Variants in IPP observed in about 807,000 individuals in gnomAD.
The protein encoded by IPP is intracisternal A particle-promoted polypeptide, also known as actin-binding protein IPP.
In IPP, 41 loss-of-function variants were observed where a neutral mutation model predicts 64.1. The observed-to-expected ratio is 0.64, with a 90% CI of 0.50 to 0.83. The LOEUF is 0.83. IPP is among the 40% of genes least tolerant of loss of function. IPP has a pLI of 0.00. For missense variants in IPP, 649 were observed against 703.0 expected, an observed-to-expected ratio of 0.92 and a Z score of 0.87; for synonymous variants, 214 against 235.2, an observed-to-expected ratio of 0.91 and a Z score of 0.83.
chr1:45,699,660 G>T lies in IPP; in HGVS notation c.*306C>A. ...TCATATTTTTAGAAAAATCATTCTT[G>T]AGTTTATTTTTTTTCTTTAAGAGAC... On this transcript the variant is annotated 3_prime_UTR_variant, in exon 9 of 9. Transcript: ENST00000396478. 1 of 1,080,394 alleles carries T rather than the reference G, an allele frequency of 9.3e-7. No individual in the cohort carries two copies. Among genetic ancestry groups the T allele is most frequent in the Non-Finnish European group, 1.1e-6 (1 of 884,046 alleles). The allele number at this position is 1,080,394 out of a possible 1,614,324, so 66.9% of individuals were successfully genotyped here. A position where few individuals can be genotyped will look rare whatever the true frequency, so the allele number is the denominator to read the frequency against.
At chr1:45,716,480 G>C (rs1436411903) in intron 7 of IPP, among the ~76,000 whole-genome samples, 2 of 152,144 alleles carry the variant, frequency 1.3e-5, no homozygotes, top group East Asian at 3.9e-4. Context: ...CCTAACCTCA[G>C]GTGATCCTCC....
At chr1:45,742,404 C>G (rs1016188070) in intron 2 of IPP, among the ~76,000 whole-genome samples, 5 of 152,150 alleles carry the variant, frequency 3.3e-5, no homozygotes, top group African/African-American at 1.2e-4. Flanking sequence ...ACAACAGCAA[C>G]AACAACAAAT....
At chr1:45,744,567 G>T (rs376734335) in intron 2 of IPP, among the ~76,000 whole-genome samples, 1 of 152,046 alleles carries the variant, frequency 6.6e-6, no homozygotes, top group South Asian at 2.1e-4. Flanking sequence ...TTGGCTAGGC[G>T]TAGTGGCTCA....
At chr1:45,740,490 C>T (rs1186268989) in intron 3 of IPP, among the ~76,000 whole-genome samples, 3 of 151,890 alleles carry the variant, frequency 2.0e-5, no homozygotes, top group Non-Finnish European at 2.9e-5. Context: ...GGCGGCTGGC[C>T]GGGCGGGGGG....
Position 45,741,324 on chromosome 1 carries a change from T to C in IPP, c.301A>G (p.Asn101Asp), listed in dbSNP as rs1646062734. The change falls in exon 3 of 9, where the codon AAC (asparagine) becomes GAC (aspartate). Residue 101 changes from asparagine (N) to aspartate (D), a missense_variant. Physicochemically the swap from Asn to Asp is conservative, Grantham distance 23. Transcript: ENST00000396478. ...TCCTGGACATTATTCACACCTATGT[T>C]CACTATACCTAGAGAAGTAGGAAGA... Reference protein sequence around the residue: ...LLDFIYTGIVNIGVNNVQELI... With the variant: ...LLDFIYTGIVDIGVNNVQELI... 6.3e-7 allele frequency: 1 copy of C among 1,597,978 alleles called. No homozygotes were observed. Among genetic ancestry groups the C allele is most frequent in the Admixed American group, 1.7e-5 (1 of 57,722 alleles).
intron 1 of IPP, among the ~76,000 whole-genome samples, chr1:45,747,077 C>A (rs1193835765): frequency 6.6e-6 from 1 of 152,034 alleles, no homozygotes; most frequent in Non-Finnish European, 1.5e-5. Flanking sequence ...TTATCAAATA[C>A]CCTACCACCC....
chr1:45,723,821 A>T (rs922115835), intron 5 of IPP, among the ~76,000 whole-genome samples: 2 of 152,046 alleles, frequency 1.3e-5, no homozygotes, highest in African/African-American at 4.8e-5. Context: ...GGCCCACTAA[A>T]AAATAAATAA....
intron 1 of IPP, among the ~76,000 whole-genome samples, chr1:45,749,387 C>T (rs1186313937): frequency 6.6e-6 from 1 of 152,144 alleles, no homozygotes; most frequent in East Asian, 1.9e-4. Context: ...CGTTGCATGC[C>T]TCACGTGCCC....
At chr1:45,736,493 T>A (rs1645983151) in intron 3 of IPP, among the ~76,000 whole-genome samples, 1 of 152,128 alleles carries the variant, frequency 6.6e-6, no homozygotes, top group African/African-American at 2.4e-5. Context: ...TCCCTCTGAA[T>A]TTTATAGTCT....
At chr1:45,736,873 G>C (rs1055175489) in intron 3 of IPP, among the ~76,000 whole-genome samples, 3 of 151,104 alleles carry the variant, frequency 2.0e-5, no homozygotes, top group Non-Finnish European at 4.4e-5. Context: ...CCCCGTCTCT[G>C]CTAAAAATAC....
At chr1:45,706,522 T>A (rs1015080627) in intron 8 of IPP, among the ~76,000 whole-genome samples, 21 of 152,288 alleles carry the variant, frequency 1.4e-4, no homozygotes, top group African/African-American at 5.1e-4. Context: ...TGATCCCAGC[T>A]CACTGCAACC....
intron 1 of IPP, 33 bp from the exon 2 acceptor site, chr1:45,746,494 A>G: frequency 9.0e-7 from 1 of 1,106,494 alleles, no homozygotes; most frequent in Non-Finnish European, 1.3e-6. Context: ...ATCAAGCAAC[A>G]AAATTTTTTT....
chr1:45,740,828 C>A, intron 3 of IPP, 73 bp downstream of exon 3: 1 of 955,354 alleles, frequency 1.0e-6, no homozygotes, highest in Non-Finnish European at 1.5e-6. Flanking sequence ...AAAATGAAAA[C>A]ACTCTCCCAC....
At chr1:45,750,315 G>C (rs950340769) in intron 1 of IPP, among the ~76,000 whole-genome samples, 2 of 152,164 alleles carry the variant, frequency 1.3e-5, no homozygotes, top group Non-Finnish European at 2.9e-5. Flanking sequence ...GTCAGGGAAG[G>C]GATCTCAGAC....
In IPP at chr1:45,706,749, C is replaced by A. The variant is rs1569953360; in HGVS notation, c.1531-6559G>T. On this transcript the variant is annotated intron_variant, in intron 8 of 8. Transcript: ENST00000396478. Reference sequence around the variant, plus strand: ...ATAGGTGTGAGCCACTGCACCCAGCCTAAATAATTTTTTTAAGTCTCAAAA... The same window carrying A: ...ATAGGTGTGAGCCACTGCACCCAGCATAAATAATTTTTTTAAGTCTCAAAA... Among the ~76,000 whole-genome samples the A allele has an allele frequency of 2.0e-5, 3 of 152,134 alleles. No homozygotes were observed. The East Asian group carries it at 5.8e-4, about 29-fold the overall frequency.
In IPP at chr1:45,741,623, CTTTT is replaced by C. The variant is rs57797396; in HGVS notation, c.293-295_293-292del. Among the ~76,000 whole-genome samples the C allele has an allele frequency of 5.2e-5, 5 of 96,136 alleles. No homozygotes were observed. The South Asian group carries it at 1.8e-3, about 35-fold the overall frequency. 63.1% of individuals were successfully genotyped at this position (96,136 alleles called of 152,430 possible). ...TAGATATTATTATTTTTCTTATTTT[CTTTT>C]TTTTTTTTTTTTTTTTTTTGAGACG... On this transcript the variant is annotated intron_variant, in intron 2 of 8. Transcript: ENST00000396478.
chr1:45,749,542 A>T (rs1384762982), intron 1 of IPP, among the ~76,000 whole-genome samples: 3 of 80,574 alleles, frequency 3.7e-5, no homozygotes, highest in African/African-American at 4.4e-5. Flanking sequence ...TTTTTTTGAG[A>T]CGGAGTCTCG....
At chr1:45,695,515 T>A (rs1645379425), downstream of IPP, among the ~76,000 whole-genome samples, 1 of 152,260 alleles carries the variant, frequency 6.6e-6, no homozygotes, top group Non-Finnish European at 1.5e-5. Context: ...CTTGAAAACG[T>A]AGTCTCTAAT....
downstream of IPP, chr1:45,698,013 C>T (rs187858736): frequency 1.4e-3 from 212 of 151,470 alleles, 2 homozygotes; most frequent in Non-Finnish European, 1.4e-3. Flanking sequence ...TTAAATTTTA[C>T]TGTATGCAGC....
Sources: gnomAD v4.1 joint callset for allele counts (sites outside exome capture counted in the v4.1 genomes callset) on GRCh38, gnomAD v4.1.1 for gene constraint, MANE v1.5 for transcripts, NCBI Gene and HGNC (gene_info 2026-07-23, HGNC 2026-07-21) for gene names.